SMC3: variants seen among roughly 807,000 people sequenced by gnomAD.
SMC3 encodes structural maintenance of chromosomes protein 3.
In SMC3, 20 loss-of-function variants were observed where a neutral mutation model predicts 171.8. The ratio of observed to expected loss-of-function variants is 0.12; its 90% confidence interval spans 0.08 to 0.17. The LOEUF is 0.17. SMC3 is among the 10% of genes least tolerant of loss of function. The probability of loss-of-function intolerance (pLI) is 1.00; values close to 1 mark genes in which losing one functional copy is unlikely to be tolerated. For synonymous variants in SMC3, 464 were observed against 451.1 expected (o/e 1.03, Z -0.36); for missense variants, 543 against 1,420.4 (o/e 0.38, Z 9.93).
intron 4 of SMC3, among the ~76,000 whole-genome samples, chr10:110,576,826 A>G (rs1334910605): frequency 6.6e-6 from 1 of 152,172 alleles, no homozygotes; most frequent in Non-Finnish European, 1.5e-5. Context: ...TTGGTACCAT[A>G]GTTTTTGTGT....
chr10:110,573,624 T>C, intron 2 of SMC3, 83 bp from the exon 3 acceptor site: 2 of 935,906 alleles, frequency 2.1e-6, no homozygotes, highest in Non-Finnish European at 3.4e-6. Flanking sequence ...ATTTTAAAAA[T>C]ATTGAGTATT....
chr10:110,583,581 A>G, intron 11 of SMC3, 33 bp downstream of exon 11: 1 of 1,605,882 alleles, frequency 6.2e-7, no homozygotes, highest in African/African-American at 1.3e-5. Context: ...AAAGATGTGA[A>G]TGTTCAGGTG....
At position 110,581,777 on chromosome 10, in the gene SMC3, T is replaced by G. The variant is rs11195198; in HGVS notation, c.548-146T>G. 0.12 allele frequency: 101,936 copies of G among 826,588 alleles called. 7,655 individuals are homozygous for G. Among genetic ancestry groups the G allele is most frequent in the East Asian group, 0.3 (11,029 of 36,820 alleles). The allele number at this position is 826,588 out of a possible 1,614,324, so 51.2% of individuals were successfully genotyped here. On this transcript the variant is annotated intron_variant, in intron 8 of 28. Transcript: ENST00000361804. Reference sequence around the variant, plus strand: ...TGGCATAAATGGGTTAATTGCTATTTTAGTATTTTAAATTGGGTTACCACA... The same window carrying G: ...TGGCATAAATGGGTTAATTGCTATTGTAGTATTTTAAATTGGGTTACCACA...
At chr10:110,590,911 G>A in intron 16 of SMC3, 80 bp from the exon 17 acceptor site, 1 of 1,277,020 alleles carries the variant, frequency 7.8e-7, no homozygotes, top group Non-Finnish European at 1.1e-6. Flanking sequence ...GGAGGCTGAG[G>A]TGGGAGGATT....
intron 17 of SMC3, among the ~76,000 whole-genome samples, chr10:110,592,459 AAT>A (rs1861223043): frequency 6.6e-6 from 1 of 152,130 alleles, no homozygotes; most frequent in East Asian, 1.9e-4. Context: ...ATTTACACTG[AAT>A]ACTTAACTAC....
At chr10:110,582,730 G>A (rs1398271920) in intron 10 of SMC3, 88 bp downstream of exon 10, 1 of 958,810 alleles carries the variant, frequency 1.0e-6, no homozygotes, top group African/African-American at 1.6e-5. Context: ...GTACAGTGGT[G>A]CCATCATGGC....
At chr10:110,589,457 T>C in intron 13 of SMC3, 148 bp from the exon 14 acceptor site, 1 of 631,272 alleles carries the variant, frequency 1.6e-6, no homozygotes, top group Non-Finnish European at 2.9e-6. Context: ...AACACGTTTA[T>C]TACCCAAAAG....
chr10:110,586,844 A>T (rs1861125687), intron 13 of SMC3, among the ~76,000 whole-genome samples: 2 of 152,086 alleles, frequency 1.3e-5, no homozygotes, highest in East Asian at 3.9e-4. Flanking sequence ...TTTAGTAGAG[A>T]CAGGGTTTCA....
chr10:110,576,846 G>A (rs1036014509), intron 4 of SMC3, among the ~76,000 whole-genome samples: 16 of 152,018 alleles, frequency 1.1e-4, no homozygotes, highest in African/African-American at 2.4e-5. Flanking sequence ...TCATAGATTG[G>A]TTTAAATGTG....
At chr10:110,575,107 C>A (rs1456072918) in intron 3 of SMC3, among the ~76,000 whole-genome samples, 1 of 151,990 alleles carries the variant, frequency 6.6e-6, no homozygotes, top group Non-Finnish European at 1.5e-5. Context: ...TATTTCCTTA[C>A]CTTAAATGTT....
intron 20 of SMC3, among the ~76,000 whole-genome samples, 175 bp downstream of exon 20, chr10:110,598,465 G>A (rs1861334811): frequency 6.6e-6 from 1 of 151,760 alleles, no homozygotes; most frequent in African/African-American, 2.4e-5. Context: ...GGAGTGCAGT[G>A]GTGCGTTCTC....
In SMC3 at chr10:110,589,683, A is replaced by G. The variant is rs370302318; in HGVS notation, c.1384A>G (p.Lys462Glu). Residue 462 changes from lysine to glutamate, a missense_variant, in exon 14 of 29, where the codon AAA becomes GAA. By Grantham distance (56) the Lys-to-Glu change is moderately conservative (BLOSUM62 1). Transcript: ENST00000361804. ...DRKYYEVKNK[K>E]DELQSERNYL... Reference sequence around the variant, plus strand: ...AAAATATTACGAAGTAAAAAATAAGAAAGATGAACTACAAAGTGAAAGAAA... The same window carrying G: ...AAAATATTACGAAGTAAAAAATAAGGAAGATGAACTACAAAGTGAAAGAAA... 4 of 1,605,540 alleles carry G rather than the reference A, an allele frequency of 2.5e-6. No individual in the cohort carries two copies. In the African/African-American group the frequency reaches 4.0e-5, roughly 16 times the overall value.
chr10:110,569,297 A>G (rs528906863), intron 2 of SMC3, among the ~76,000 whole-genome samples: 43 of 152,240 alleles, frequency 2.8e-4, no homozygotes, highest in African/African-American at 9.9e-4. Flanking sequence ...TGTTCTTGTT[A>G]TATATCCTAG....
chr10:110,601,743 T>C lies in SMC3; in HGVS notation c.2751T>C (p.His917=), dbSNP rs1444005625. ...MEKEHMDAIN[H]DTKELEKMTN... ...AAGAACATATGGATGCTATAAATCATGATACTAAAGAACTGGAAAAGATGA... is the reference window on the plus strand; with the variant it reads ...AAGAACATATGGATGCTATAAATCACGATACTAAAGAACTGGAAAAGATGA... The change falls in exon 24 of 29, where the codon CAT becomes CAC. Residue 917 remains histidine, a synonymous_variant. Transcript: ENST00000361804. 6.2e-7 allele frequency: 1 copy of C among 1,613,824 alleles called. No homozygotes were observed. The highest frequency in any genetic ancestry group is 1.7e-5 in the Admixed American group (1 of 60,006).
intron 7 of SMC3, 36 bp from the exon 8 acceptor site, chr10:110,580,868 A>G (rs764775968): frequency 1.8e-5 from 20 of 1,083,848 alleles, no homozygotes; most frequent in Non-Finnish European, 2.9e-5. Context: ...AACGGAGGCT[A>G]CAGCTATGTA....
rs760476728 is a variant in SMC3 at position 110,567,812 on chromosome 10, G to C, written c.-5G>C. The C allele has an allele frequency of 2.5e-6, 4 of 1,613,534 alleles. No homozygotes were observed. The South Asian group carries it at 4.4e-5, about 18-fold the overall frequency. On this transcript the variant is annotated 5_prime_UTR_variant, in exon 1 of 29. Coordinates refer to ENST00000361804, the MANE Select transcript of SMC3 (RefSeq NM_005445.4). ...GGTCTCCTTCCAGGCCAGGGGCCCG[G>C]AATCATGTACATAAAGCAGGTAAGG...
chr10:110,602,310 A>G (rs1265127960), intron 25 of SMC3, 132 bp downstream of exon 25: 1 of 954,908 alleles, frequency 1.0e-6, no homozygotes, highest in Admixed American at 2.0e-5. Flanking sequence ...AACCTAGCAT[A>G]TAGGTTTACA....
At chr10:110,603,708 T>C (rs1287081876) in intron 28 of SMC3, among the ~76,000 whole-genome samples, 1 of 152,208 alleles carries the variant, frequency 6.6e-6, no homozygotes, top group Non-Finnish European at 1.5e-5. Flanking sequence ...AGCATTAAAA[T>C]ACATATTTTT....
chr10:110,570,306 A>G (rs1459867431), intron 2 of SMC3, among the ~76,000 whole-genome samples: 4 of 152,168 alleles, frequency 2.6e-5, no homozygotes, highest in East Asian at 1.9e-4. Context: ...TCACATTACT[A>G]ATGTTTCCAG....
Sources: allele counts gnomAD v4.1 joint callset (sites outside exome capture counted in the v4.1 genomes callset), GRCh38; gene constraint gnomAD v4.1.1; transcripts MANE v1.5; gene names NCBI Gene and HGNC (gene_info 2026-07-23, HGNC 2026-07-21).